The following ABTB2 variants were observed in gnomAD, a reference collection of about 807,000 sequenced individuals.
The protein encoded by ABTB2 is ankyrin repeat and BTB domain containing 2, also known as ankyrin repeat and BTB/POZ domain-containing protein 2.
Under a neutral mutation model 104.1 loss-of-function variants are expected in ABTB2, and 56 were observed. The observed-to-expected ratio is 0.54, with a 90% CI of 0.43 to 0.67. ABTB2 has a LOEUF of 0.67. ABTB2 is among the 30% of genes least tolerant of loss of function. ABTB2 has a pLI of 0.00. For synonymous variants in ABTB2, 606 were observed against 608.2 expected (o/e 1.00, Z 0.05); for missense variants, 1,279 against 1,407.7 (o/e 0.91, Z 1.46).
intron 1 of ABTB2, among the ~76,000 whole-genome samples, chr11:34,299,968 C>T (rs1330261315): frequency 1.3e-5 from 2 of 152,110 alleles, no homozygotes; most frequent in Non-Finnish European, 2.9e-5. Context: ...ACACAGAGGA[C>T]TGAATGAGTC....
intron 1 of ABTB2, among the ~76,000 whole-genome samples, chr11:34,292,190 T>C (rs748151847): frequency 1.3e-5 from 2 of 152,120 alleles, no homozygotes; most frequent in African/African-American, 2.4e-5. Context: ...CTTCTGTTCA[T>C]CCTATACCCT....
At chr11:34,246,936 C>T (rs1178466117) in intron 1 of ABTB2, among the ~76,000 whole-genome samples, 2 of 148,484 alleles carry the variant, frequency 1.3e-5, no homozygotes, top group East Asian at 4.0e-4. Context: ...CAACCTCTGT[C>T]TTCCGGGTTC....
At chr11:34,286,442 G>A (rs113478974) in intron 1 of ABTB2, among the ~76,000 whole-genome samples, 35 of 151,872 alleles carry the variant, frequency 2.3e-4, no homozygotes, top group Admixed American at 1.0e-3. Context: ...ACAGGCACCC[G>A]CCACCACACC....
chr11:34,177,088 C>T (rs1430228140), intron 3 of ABTB2, among the ~76,000 whole-genome samples: 1 of 152,144 alleles, frequency 6.6e-6, no homozygotes, highest in Non-Finnish European at 1.5e-5. Flanking sequence ...AAAAGATAAT[C>T]CGTGGATTTG....
intron 1 of ABTB2, among the ~76,000 whole-genome samples, chr11:34,220,873 G>C (rs1383615244): frequency 6.6e-6 from 1 of 152,280 alleles, no homozygotes; most frequent in East Asian, 1.9e-4. Flanking sequence ...GTGTTGGCAG[G>C]GGTTGGTTTC....
intron 1 of ABTB2, among the ~76,000 whole-genome samples, chr11:34,210,596 C>T (rs1329353889): frequency 1.3e-5 from 2 of 152,188 alleles, no homozygotes; most frequent in African/African-American, 2.4e-5. Context: ...AGCGCTCTCC[C>T]CAGACTTGTA....
chr11:34,340,427 C>T (rs1350020883), intron 1 of ABTB2, among the ~76,000 whole-genome samples: 1 of 152,294 alleles, frequency 6.6e-6, no homozygotes, highest in East Asian at 1.9e-4. Flanking sequence ...CGCCATTTCG[C>T]AGATGAGAAG....
At chr11:34,344,743 C>G (rs905439722) in intron 1 of ABTB2, among the ~76,000 whole-genome samples, 4 of 152,202 alleles carry the variant, frequency 2.6e-5, no homozygotes, top group Non-Finnish European at 1.5e-5. Context: ...AGCCATCCAC[C>G]TGCCTCAGCC....
chr11:34,197,396 C>T lies in ABTB2; in HGVS notation c.1173G>A (p.Leu391=), dbSNP rs764101941. The T allele has an allele frequency of 6.2e-7, 1 of 1,613,374 alleles. No homozygotes were observed. Among genetic ancestry groups the T allele is most frequent in the East Asian group, 2.2e-5 (1 of 44,868 alleles). ...PDALHTLYYF[L]RCPQMESMEN... ...CCATGGACTCCATCTGTGGACACCG[C>T]AGAAAGTAGTAGAGCGTGTGGAGGG... is the stretch of plus-strand genomic sequence containing the variant. The change falls in exon 3 of 17, where the codon CTG becomes CTA. Residue 391 remains leucine (L), a synonymous_variant. Coordinates refer to ENST00000435224, the MANE Select transcript of ABTB2 (RefSeq NM_145804.3).
chr11:34,354,311 G>C (rs768227112), intron 1 of ABTB2, among the ~76,000 whole-genome samples: 1 of 152,158 alleles, frequency 6.6e-6, no homozygotes, highest in Admixed American at 6.5e-5. Flanking sequence ...GGGGGGCAAG[G>C]AGGAGGTTAA....
At chr11:34,310,279 C>T (rs1424009837) in intron 1 of ABTB2, among the ~76,000 whole-genome samples, 1 of 152,184 alleles carries the variant, frequency 6.6e-6, no homozygotes, top group Non-Finnish European at 1.5e-5. Flanking sequence ...ATACCCTAAA[C>T]TTGGCCCCTG....
chr11:34,235,967 C>T (rs1853837104), intron 1 of ABTB2, among the ~76,000 whole-genome samples: 1 of 152,196 alleles, frequency 6.6e-6, no homozygotes, highest in Non-Finnish European at 1.5e-5. Context: ...GCCTAGCTTC[C>T]CTGCTGCCCA....
At chr11:34,350,502 T>G (rs1376821544) in intron 1 of ABTB2, among the ~76,000 whole-genome samples, 1 of 152,230 alleles carries the variant, frequency 6.6e-6, no homozygotes, top group Admixed American at 6.5e-5. Flanking sequence ...TGCCCTCTTC[T>G]TCCATCCCCA....
intron 1 of ABTB2, among the ~76,000 whole-genome samples, chr11:34,289,722 C>T (rs1320876528): frequency 1.3e-5 from 2 of 152,146 alleles, no homozygotes; most frequent in African/African-American, 2.4e-5. Context: ...CATGAGACAC[C>T]CTCCGAGGCA....
rs778398983 is a variant in ABTB2, at chr11:34,338,096, G to C, written c.883+18605C>G. 5.9e-5 allele frequency among the ~76,000 whole-genome samples: 9 copies of C among 152,152 alleles called. 1 individual carries two copies. The South Asian group carries it at 1.7e-3, about 28-fold the overall frequency. ...CAAGAGTTGCTTTAAAAATACAGAT[G>C]TCGGCCAGGCACAGTGGCTCACACC... On this transcript the variant is annotated intron_variant, in intron 1 of 16. Transcript: ENST00000435224.
intron 1 of ABTB2, among the ~76,000 whole-genome samples, chr11:34,299,207 G>C (rs990374140): frequency 6.6e-6 from 1 of 152,192 alleles, no homozygotes; most frequent in African/African-American, 2.4e-5. Flanking sequence ...AGACTGGGCA[G>C]GGGTTTGGAC....
At chr11:34,285,325 T>C (rs1854491662) in intron 1 of ABTB2, among the ~76,000 whole-genome samples, 1 of 152,052 alleles carries the variant, frequency 6.6e-6, no homozygotes, top group South Asian at 2.1e-4. Context: ...TATCGATCAC[T>C]ATCGGGGGTC....
chr11:34,310,082 A>C (rs573361837), intron 1 of ABTB2, among the ~76,000 whole-genome samples: 15 of 152,190 alleles, frequency 9.9e-5, no homozygotes, highest in Non-Finnish European at 1.9e-4. Context: ...ATCGCCCTGC[A>C]TCTAAAAGGG....
In ABTB2 at chr11:34,154,832, C is replaced by G; in HGVS notation, c.2698-63G>C. On this transcript the variant is annotated intron_variant, in intron 14 of 16. Coordinates refer to ENST00000435224, the MANE Select transcript of ABTB2 (RefSeq NM_145804.3). The surrounding 1 kb of genome is among the most constrained non-coding windows in gnomAD (Gnocchi z 4.9). ...CCTGAGGCATGAAAGTCCTTGCCAG[C>G]CCCACAGGGTACTGCTCCAGCTGCC... 6.4e-7 allele frequency: 1 copy of G among 1,561,206 alleles called. No homozygotes were observed. Among genetic ancestry groups the G allele is most frequent in the East Asian group, 2.2e-5 (1 of 44,532 alleles).
Sources: allele counts gnomAD v4.1 joint callset (sites outside exome capture counted in the v4.1 genomes callset), GRCh38; gene constraint gnomAD v4.1.1; non-coding constraint Gnocchi (gnomAD v3.1); transcripts MANE v1.5; gene names NCBI Gene and HGNC (gene_info 2026-07-23, HGNC 2026-07-21).